Variants in CSRNP3 observed in about 807,000 individuals in gnomAD.
The protein encoded by CSRNP3 is cysteine and serine rich nuclear protein 3, also known as cysteine/serine-rich nuclear protein 3.
CSRNP3 carries 12 observed loss-of-function variants against 48.0 expected under a neutral mutation model. That is an observed-to-expected ratio of 0.25 (90% CI 0.16 to 0.41). CSRNP3 has a LOEUF of 0.41. Among genes scored for constraint, CSRNP3 ranks in the 10% least tolerant of loss-of-function variants. The pLI, the probability that CSRNP3 is intolerant of heterozygous loss-of-function variation, is 1.00. For synonymous variants in CSRNP3, 263 were observed against 269.7 expected, an observed-to-expected ratio of 0.98 and a Z score of 0.24; for missense variants, 580 against 724.4, an observed-to-expected ratio of 0.80 and a Z score of 2.29.
intron 4 of CSRNP3, among the ~76,000 whole-genome samples, chr2:165,632,592 G>A (rs1253540436): frequency 6.6e-6 from 1 of 152,080 alleles, no homozygotes; most frequent in Non-Finnish European, 1.5e-5. Context: ...GGACTTTACA[G>A]CTTTACAGTT....
chr2:165,661,984 G>T (rs1017065094), intron 5 of CSRNP3, among the ~76,000 whole-genome samples: 1 of 151,928 alleles, frequency 6.6e-6, no homozygotes, highest in East Asian at 1.9e-4. Flanking sequence ...ATCTTTCCAG[G>T]GTGTCTTTGC....
intron 4 of CSRNP3, among the ~76,000 whole-genome samples, chr2:165,599,359 T>G (rs1290378941): frequency 7.5e-6 from 1 of 133,812 alleles, no homozygotes; most frequent in East Asian, 2.2e-4. Context: ...CGAAAGGAAG[T>G]AAAGATCTGA....
intron 2 of CSRNP3, among the ~76,000 whole-genome samples, chr2:165,516,735 A>C (rs1159368349): frequency 6.6e-6 from 1 of 152,168 alleles, no homozygotes; most frequent in Non-Finnish European, 1.5e-5. Context: ...CTGTAATTCC[A>C]ATCACAATTT....
At chr2:165,503,531 C>T (rs1380602300) in intron 2 of CSRNP3, among the ~76,000 whole-genome samples, 1 of 151,814 alleles carries the variant, frequency 6.6e-6, no homozygotes, top group Non-Finnish European at 1.5e-5. Flanking sequence ...AAACAGTACA[C>T]TACCATACTC....
At chr2:165,523,507 C>T (rs1684690839) in intron 3 of CSRNP3, among the ~76,000 whole-genome samples, 1 of 152,162 alleles carries the variant, frequency 6.6e-6, no homozygotes, top group Non-Finnish European at 1.5e-5. Context: ...GATTTCTAAC[C>T]CCATTTAACA....
chr2:165,608,934 C>CAAAAA (rs33952227), intron 4 of CSRNP3, among the ~76,000 whole-genome samples: 105 of 75,580 alleles, frequency 1.4e-3, no homozygotes, highest in African/African-American at 5.5e-3. Flanking sequence ...ACTAAAAATA[C>CAAAAA]AAAAAAAAAA....
At chr2:165,553,446 A>G (rs1442679402) in intron 3 of CSRNP3, among the ~76,000 whole-genome samples, 1 of 152,194 alleles carries the variant, frequency 6.6e-6, no homozygotes, top group Non-Finnish European at 1.5e-5. Flanking sequence ...GTGGCTGGAG[A>G]AAGTGCACAA....
chr2:165,512,132 G>T (rs182458599), intron 2 of CSRNP3, among the ~76,000 whole-genome samples: 89 of 152,218 alleles, frequency 5.8e-4, no homozygotes, highest in African/African-American at 2.0e-3. Flanking sequence ...TAAGTAATGT[G>T]GAGACCTATG....
Position 165,679,182 on chromosome 2 carries a change from GT to G in CSRNP3, c.1190del (p.Leu397TrpfsTer43). The G allele has an allele frequency of 6.2e-7, 1 of 1,613,862 alleles. No individual in the cohort carries two copies. Among genetic ancestry groups the G allele is most frequent in the Non-Finnish European group, 8.5e-7 (1 of 1,179,962 alleles). ...DDDKGDGFVE[G>X]LGTHAEVVPL... ...GACAAAGGAGATGGCTTCGTGGAAG[GT>G]TTGGGCACCCATGCCGAAGTTGTCC... On this transcript the variant is annotated frameshift_variant, in exon 7 of 7. Coordinates refer to ENST00000651982, the MANE Select transcript of CSRNP3 (RefSeq NM_001172173.2). LOFTEE classifies it high-confidence loss of function.
intron 4 of CSRNP3, among the ~76,000 whole-genome samples, chr2:165,618,366 A>G (rs1402282283): frequency 1.3e-5 from 2 of 152,166 alleles, no homozygotes; most frequent in East Asian, 3.8e-4. Context: ...TCTCCCTTAG[A>G]CACTGTATTT....
chr2:165,506,549 G>A (rs1188374984), intron 2 of CSRNP3, among the ~76,000 whole-genome samples: 2 of 152,128 alleles, frequency 1.3e-5, no homozygotes, highest in East Asian at 3.9e-4. Context: ...TCGGCTCCCA[G>A]AAGGCAGCAC....
chr2:165,593,582 G>A (rs1012218094), intron 3 of CSRNP3, among the ~76,000 whole-genome samples: 3 of 152,110 alleles, frequency 2.0e-5, no homozygotes, highest in South Asian at 2.1e-4. Context: ...ATCTGAACAC[G>A]CTGCTTGCTC....
At chr2:165,575,963 T>A (rs567060445) in intron 3 of CSRNP3, among the ~76,000 whole-genome samples, 22 of 151,974 alleles carry the variant, frequency 1.4e-4, no homozygotes, top group Middle Eastern at 3.4e-3. Context: ...AAAGGGTTAT[T>A]TTTTAAATTA....
intron 3 of CSRNP3, among the ~76,000 whole-genome samples, chr2:165,524,683 A>G (rs948014011): frequency 2.6e-5 from 4 of 152,176 alleles, no homozygotes; most frequent in African/African-American, 7.2e-5. Context: ...TGTCTTATCA[A>G]TGGAACACAG....
At chr2:165,600,454 T>A (rs992703701) in intron 4 of CSRNP3, among the ~76,000 whole-genome samples, 19 of 152,210 alleles carry the variant, frequency 1.2e-4, no homozygotes, top group Admixed American at 3.9e-4. Flanking sequence ...TACCCAGTAA[T>A]GAGATGGCTG....
rs181427386 is a variant in CSRNP3 at position 165,682,089 on chromosome 2, G to A, written c.*2336G>A. ...AGTGTGGGAGAGTGGGGAAGAGCCA[G>A]CTCCAGCCTGAGCAAAGCTGAAGGG... is the stretch of plus-strand genomic sequence containing the variant. On this transcript the variant is annotated 3_prime_UTR_variant, in exon 7 of 7. Transcript: ENST00000651982. 1.3e-5 allele frequency: 2 copies of A among 152,032 alleles called. No individual in the cohort carries two copies. The highest frequency in any genetic ancestry group is 1.3e-4 in the Admixed American group (2 of 15,208). 9.4% of individuals were successfully genotyped at this position (152,032 alleles called of 1,614,324 possible). A position where few individuals can be genotyped will look rare whatever the true frequency, so the allele number is the denominator to read the frequency against.
At chr2:165,565,692 T>C (rs1317943232) in intron 3 of CSRNP3, among the ~76,000 whole-genome samples, 2 of 152,026 alleles carry the variant, frequency 1.3e-5, no homozygotes, top group Non-Finnish European at 2.9e-5. Context: ...CTAGCATTAA[T>C]AGCAAGCCAT....
chr2:165,575,566 G>A (rs1275720439), intron 3 of CSRNP3, among the ~76,000 whole-genome samples: 1 of 152,068 alleles, frequency 6.6e-6, no homozygotes, highest in Non-Finnish European at 1.5e-5. Context: ...CAAAGAGCTA[G>A]TACATATTTA....
intron 3 of CSRNP3, among the ~76,000 whole-genome samples, chr2:165,587,837 T>G (rs1685656575): frequency 6.6e-6 from 1 of 152,184 alleles, no homozygotes; most frequent in Non-Finnish European, 1.5e-5. Flanking sequence ...AAATATGTTG[T>G]TAGGGGAGTT....
Sources: allele counts gnomAD v4.1 joint callset (sites outside exome capture counted in the v4.1 genomes callset), GRCh38; gene constraint gnomAD v4.1.1; transcripts MANE v1.5; gene names NCBI Gene and HGNC (gene_info 2026-07-23, HGNC 2026-07-21).